SRPK2: variants seen among roughly 807,000 people sequenced by gnomAD.
SRPK2 encodes SFRS protein kinase 2.
In SRPK2, 21 loss-of-function variants were observed where a neutral mutation model predicts 90.8. That is an observed-to-expected ratio of 0.23 (90% CI 0.16 to 0.33). The LOEUF (loss-of-function observed/expected upper bound fraction) is 0.33. Among genes scored for constraint, SRPK2 ranks in the 10% least tolerant of loss-of-function variants. The probability of loss-of-function intolerance (pLI) is 1.00; values close to 1 mark genes in which losing one functional copy is unlikely to be tolerated. For missense variants in SRPK2, 620 were observed against 869.0 expected, an observed-to-expected ratio of 0.71 and a Z score of 3.60; for synonymous variants, 288 against 311.1, an observed-to-expected ratio of 0.93 and a Z score of 0.78.
chr7:105,248,457 A>G (rs1367445153), intron 2 of SRPK2, among the ~76,000 whole-genome samples: 1 of 137,774 alleles, frequency 7.3e-6, no homozygotes, highest in South Asian at 2.4e-4. Context: ...AAAAAAAAAA[A>G]GTCAGGCATG....
chr7:105,323,441 A>G (rs1813167644), intron 2 of SRPK2, among the ~76,000 whole-genome samples: 1 of 152,224 alleles, frequency 6.6e-6, no homozygotes, highest in South Asian at 2.1e-4. Context: ...CAAATTTCCA[A>G]CTACAAAGGA....
rs1382167472 is a variant in SRPK2, at chr7:105,168,128, T to G, written c.339-33A>C. On this transcript the variant is annotated intron_variant, in intron 4 of 15. Coordinates refer to ENST00000393651, the MANE Select transcript of SRPK2 (RefSeq NM_182692.3). The stretch of plus-strand genomic sequence containing the variant: ...AAAAAACAAAAAAAGAGTCTATTTA[T>G]CTATATTATCAGTAGAAAGAATCAC... 2.6e-6 allele frequency: 4 copies of G among 1,514,218 alleles called. No individual in the cohort carries two copies. In the South Asian group the frequency reaches 3.6e-5, roughly 14 times the overall value. The allele number at this position is 1,514,218 out of a possible 1,614,324, so 93.8% of individuals were successfully genotyped here. A position where few individuals can be genotyped will look rare whatever the true frequency, so the allele number is the denominator to read the frequency against.
chr7:105,238,897 T>C (rs1800462445), intron 2 of SRPK2, among the ~76,000 whole-genome samples: 1 of 152,016 alleles, frequency 6.6e-6, no homozygotes, highest in Admixed American at 6.6e-5. Flanking sequence ...TAAGCTTTCT[T>C]CCAAAATGGA....
intron 2 of SRPK2, chr7:105,306,440 G>T: frequency 4.6e-6 from 2 of 431,334 alleles, no homozygotes; most frequent in South Asian, 1.7e-5. Context: ...TGAAACCTAA[G>T]AGACCACATC....
At chr7:105,183,532 G>C (rs1473159924) in intron 3 of SRPK2, among the ~76,000 whole-genome samples, 3 of 152,152 alleles carry the variant, frequency 2.0e-5, no homozygotes, top group Non-Finnish European at 4.4e-5. Context: ...TGTTGCCCAG[G>C]CTGGAGTGCA....
chr7:105,116,248 G>A (rs1799616559), downstream of SRPK2: 3 of 151,750 alleles, frequency 2.0e-5, no homozygotes, highest in Admixed American at 6.6e-5. Flanking sequence ...CTTATAATAC[G>A]CCTCAATGCA....
intron 2 of SRPK2, among the ~76,000 whole-genome samples, chr7:105,333,937 T>G (rs1032588559): frequency 1.3e-5 from 2 of 152,226 alleles, no homozygotes; most frequent in African/African-American, 2.4e-5. Context: ...GTTTTGTTTT[T>G]TTGAGACAGA....
At chr7:105,301,737 T>C (rs1810580184) in intron 2 of SRPK2, 1 of 1,606,118 alleles carries the variant, frequency 6.2e-7, no homozygotes, top group South Asian at 1.1e-5. Flanking sequence ...CAACACCGTA[T>C]CATCAGCTGT....
intron 2 of SRPK2, among the ~76,000 whole-genome samples, chr7:105,337,499 G>C (rs1815243299): frequency 6.6e-6 from 1 of 151,650 alleles, no homozygotes; most frequent in Non-Finnish European, 1.5e-5. Context: ...ATTTTTAGTA[G>C]AGACAGGGTT....
chr7:105,130,543 T>C (rs986928986), intron 13 of SRPK2, among the ~76,000 whole-genome samples: 6 of 151,964 alleles, frequency 3.9e-5, no homozygotes, highest in Admixed American at 2.6e-4. Flanking sequence ...GAGCAAGACC[T>C]TGTCTCCAAA....
chr7:105,368,273 T>C (rs1819305224), intron 2 of SRPK2, among the ~76,000 whole-genome samples: 1 of 152,214 alleles, frequency 6.6e-6, no homozygotes, highest in Admixed American at 6.5e-5. Context: ...TAAGATTTTC[T>C]ATATAAAGCA....
chr7:105,154,615 T>C (rs1806220349), intron 7 of SRPK2, among the ~76,000 whole-genome samples: 3 of 152,044 alleles, frequency 2.0e-5, no homozygotes, highest in Non-Finnish European at 2.9e-5. Flanking sequence ...TGGAAAAACA[T>C]TGGGTTTTAA....
At chr7:105,174,475 C>T (rs1331013334) in intron 3 of SRPK2, among the ~76,000 whole-genome samples, 1 of 151,884 alleles carries the variant, frequency 6.6e-6, no homozygotes, top group African/African-American at 2.4e-5. Context: ...GCTTTCTCAG[C>T]CCTCTGATTG....
rs184412537 is a variant in SRPK2, at chr7:105,134,766, A to G, written c.1544-1662T>C. Among the ~76,000 whole-genome samples the G allele has an allele frequency of 3.4e-3, 520 of 152,338 alleles. 2 individuals carry two copies. Among genetic ancestry groups the G allele is most frequent in the Middle Eastern group, 6.8e-3 (2 of 294 alleles). The stretch of plus-strand genomic sequence containing the variant: ...CCACACAGCTCCCTAGGGGGGCTCC[A>G]GAGGACGCCAAGAGAATTCTGACCA... On this transcript the variant is annotated intron_variant, in intron 11 of 15. Coordinates refer to ENST00000393651, the MANE Select transcript of SRPK2 (RefSeq NM_182692.3).
At chr7:105,171,412 T>C (rs1160350136) in intron 3 of SRPK2, among the ~76,000 whole-genome samples, 2 of 152,252 alleles carry the variant, frequency 1.3e-5, no homozygotes, top group Non-Finnish European at 2.9e-5. Context: ...TTTTTTACTT[T>C]GGAAACAGAT....
chr7:105,201,046 C>T (rs1463689800), intron 3 of SRPK2, among the ~76,000 whole-genome samples: 2 of 152,104 alleles, frequency 1.3e-5, no homozygotes, highest in African/African-American at 2.4e-5. Context: ...GATGATAAAA[C>T]ACCATATTAG....
At chr7:105,130,791 C>T (rs994945099) in intron 13 of SRPK2, among the ~76,000 whole-genome samples, 2 of 150,868 alleles carry the variant, frequency 1.3e-5, no homozygotes, top group African/African-American at 4.9e-5. Flanking sequence ...TGAATGAGGG[C>T]CTGCCCCTTT....
intron 2 of SRPK2, among the ~76,000 whole-genome samples, chr7:105,378,590 C>T (rs773709337): frequency 7.9e-5 from 12 of 151,850 alleles, no homozygotes; most frequent in Non-Finnish European, 1.6e-4. Flanking sequence ...TGGTGAAACC[C>T]CATCTCTACC....
chr7:105,145,151 T>A, intron 9 of SRPK2, 132 bp downstream of exon 9: 1 of 493,432 alleles, frequency 2.0e-6, no homozygotes, highest in Non-Finnish European at 3.3e-6. Flanking sequence ...AAGTCTTACC[T>A]ATTTGAGGAT....
Sources: allele counts gnomAD v4.1 joint callset (sites outside exome capture counted in the v4.1 genomes callset), GRCh38; gene constraint gnomAD v4.1.1; transcripts MANE v1.5; gene names NCBI Gene and HGNC (gene_info 2026-07-23, HGNC 2026-07-21).